Variants in DNER observed in about 807,000 individuals in gnomAD.
DNER encodes delta and Notch-like epidermal growth factor-related receptor.
In DNER, 33 loss-of-function variants were observed where a neutral mutation model predicts 78.2. That is an observed-to-expected ratio of 0.42 (90% CI 0.32 to 0.56). The LOEUF is 0.56. DNER is among the 20% of genes least tolerant of loss of function. The pLI is 0.11. For synonymous variants in DNER, 417 were observed against 384.8 expected (o/e 1.08, Z -0.98); for missense variants, 918 against 975.3 (o/e 0.94, Z 0.78).
At chr2:229,380,274 G>C (rs1049431227) in intron 11 of DNER, among the ~76,000 whole-genome samples, 1 of 152,286 alleles carries the variant, frequency 6.6e-6, no homozygotes, top group Non-Finnish European at 1.5e-5. Flanking sequence ...ACCAGTGAGG[G>C]CCTGGTCTTG....
chr2:229,391,532 A>T (rs983854283), intron 10 of DNER, among the ~76,000 whole-genome samples: 1 of 151,938 alleles, frequency 6.6e-6, no homozygotes, highest in Non-Finnish European at 1.5e-5. Flanking sequence ...ATCTTTTATA[A>T]TTCTTTTTTC....
chr2:229,526,380 A>T (rs1196237045), intron 5 of DNER, among the ~76,000 whole-genome samples: 1 of 152,216 alleles, frequency 6.6e-6, no homozygotes, highest in African/African-American at 2.4e-5. Flanking sequence ...TAACTCATTT[A>T]CGATCCCCAG....
At chr2:229,584,919 AAAAAG>A (rs1016910325) in intron 4 of DNER, among the ~76,000 whole-genome samples, 3 of 151,530 alleles carry the variant, frequency 2.0e-5, no homozygotes, top group African/African-American at 4.8e-5. Flanking sequence ...AAAGAAGAAG[AAAAAG>A]AAAAGAAAAC....
chr2:229,408,999 C>G (rs576224722), intron 9 of DNER, among the ~76,000 whole-genome samples: 1 of 152,282 alleles, frequency 6.6e-6, no homozygotes, highest in South Asian at 2.1e-4. Context: ...TCTTAGTTTC[C>G]TCTGTCTCCA....
chr2:229,591,965 T>C lies in DNER; in HGVS notation c.277-77A>G. 1 of 1,424,808 alleles carries C rather than the reference T, an allele frequency of 7.0e-7. No homozygotes were observed. Among genetic ancestry groups the C allele is most frequent in the Non-Finnish European group, 9.2e-7 (1 of 1,086,292 alleles). 88.3% of individuals were successfully genotyped at this position (1,424,808 alleles called of 1,614,324 possible). On this transcript the variant is annotated intron_variant, in intron 1 of 12. Transcript: ENST00000341772. The surrounding 1 kb of genome is among the most constrained non-coding windows in gnomAD (Gnocchi z 4.6). ...CCATCGCTGGGAAATTAGCTCTGTG[T>C]CTCAGAGCGACTGCTGTAATGGAAA...
chr2:229,700,535 A>G (rs1384595638), intron 1 of DNER, among the ~76,000 whole-genome samples: 3 of 151,972 alleles, frequency 2.0e-5, no homozygotes, highest in East Asian at 3.9e-4. Context: ...ACTGGAAATA[A>G]TGTGCTTTAG....
In DNER at chr2:229,714,553, G is replaced by A. The variant is rs1032925956; in HGVS notation, c.-130C>T. The A allele has an allele frequency of 2.0e-6, 2 of 1,009,634 alleles. No homozygotes were observed. Among genetic ancestry groups the A allele is most frequent in the Non-Finnish European group, 2.4e-6 (2 of 840,882 alleles). 62.5% of individuals were successfully genotyped at this position (1,009,634 alleles called of 1,614,324 possible). On this transcript the variant is annotated 5_prime_UTR_variant, in exon 1 of 13. Coordinates refer to ENST00000341772, the MANE Select transcript of DNER (RefSeq NM_139072.4). ...TCCGCCGGGCCGGGCGCCTCCTGCA[G>A]CTGCGGGATCCGCGGTTCCCCGGGC...
chr2:229,465,819 T>C (rs902957218), intron 7 of DNER, among the ~76,000 whole-genome samples: 4 of 152,146 alleles, frequency 2.6e-5, no homozygotes, highest in African/African-American at 9.7e-5. Flanking sequence ...AAACATGTCA[T>C]CTGCATTTTA....
intron 4 of DNER, among the ~76,000 whole-genome samples, chr2:229,550,497 C>T (rs1203467267): frequency 6.6e-6 from 1 of 152,058 alleles, no homozygotes; most frequent in Non-Finnish European, 1.5e-5. Context: ...GTTAAGTTGG[C>T]CGGGCGCAGT....
chr2:229,688,066 C>T (rs977031438), intron 1 of DNER, among the ~76,000 whole-genome samples: 11 of 152,210 alleles, frequency 7.2e-5, no homozygotes, highest in African/African-American at 2.2e-4. Context: ...TCTCATCAAA[C>T]GGGATTAAGT....
At chr2:229,660,906 C>T (rs1698999140) in intron 1 of DNER, among the ~76,000 whole-genome samples, 1 of 151,896 alleles carries the variant, frequency 6.6e-6, no homozygotes, top group South Asian at 2.1e-4. Context: ...ATGATTGCAG[C>T]CCATCAGAAG....
At chr2:229,571,889 C>T (rs913908320) in intron 4 of DNER, among the ~76,000 whole-genome samples, 9 of 152,000 alleles carry the variant, frequency 5.9e-5, no homozygotes, top group African/African-American at 1.9e-4. Context: ...TGGATTCTGG[C>T]TCTTCATTTT....
chr2:229,560,880 G>A (rs1559167068), intron 4 of DNER, among the ~76,000 whole-genome samples: 2 of 151,814 alleles, frequency 1.3e-5, no homozygotes, highest in African/African-American at 4.9e-5. Context: ...AGGGGCCGGG[G>A]GCATTAAATA....
chr2:229,460,918 A>G (rs540614144), intron 7 of DNER, among the ~76,000 whole-genome samples: 7 of 152,242 alleles, frequency 4.6e-5, no homozygotes, highest in African/African-American at 1.7e-4. Context: ...AAACTCAGAT[A>G]CAGTACTATG....
chr2:229,610,949 A>G lies in DNER; in HGVS notation c.277-19061T>C, dbSNP rs532026440. Among the ~76,000 whole-genome samples the G allele has an allele frequency of 3.9e-4, 59 of 152,374 alleles. 1 individual carries two copies. The South Asian group carries it at 0.012, about 31-fold the overall frequency. On this transcript the variant is annotated intron_variant, in intron 1 of 12. Coordinates refer to ENST00000341772, the MANE Select transcript of DNER (RefSeq NM_139072.4). ...ACACAGGATCTACAACTTCTGTCAG[A>G]TATTTCACAAACTACTAGCTAGAAG...
chr2:229,599,022 CA>C (rs530828947), intron 1 of DNER, among the ~76,000 whole-genome samples: 279 of 152,228 alleles, frequency 1.8e-3, no homozygotes, highest in African/African-American at 6.1e-3. Context: ...CAAAGGCATC[CA>C]GGGGGAATGG....
rs1699961969 is a variant in DNER, at chr2:229,714,380, G to A, written c.44C>T (p.Pro15Leu). 1 of 1,208,408 alleles carries A rather than the reference G, an allele frequency of 8.3e-7. No individual in the cohort carries two copies. Among genetic ancestry groups the A allele is most frequent in the Non-Finnish European group, 1.0e-6 (1 of 976,006 alleles). 74.9% of individuals were successfully genotyped at this position (1,208,408 alleles called of 1,614,324 possible). Residue 15 changes from proline to leucine, a missense_variant, in exon 1 of 13, where the codon CCC (proline) becomes CTC (leucine). Coordinates refer to ENST00000341772, the MANE Select transcript of DNER (RefSeq NM_139072.4). ...RAQAPGAQLL[P>L]ALALLLLLLG... is the part of the protein sequence containing the mutation. ...CAGCAGCAGCAGCAGGGCCAGCGCGGGCAGCAGCTGCGCACCGGGCGCCTG... is the reference window on the plus strand; with the variant it reads ...CAGCAGCAGCAGCAGGGCCAGCGCGAGCAGCAGCTGCGCACCGGGCGCCTG...
chr2:229,387,509 G>GAAAGAGAGAAAGAAAGAAAGAA (rs1553602522), intron 11 of DNER, among the ~76,000 whole-genome samples: 5 of 76,178 alleles, frequency 6.6e-5, no homozygotes, highest in African/African-American at 9.2e-5. Context: ...GAAAGAAAGA[G>GAAAGAGAGAAAGAAAGAAAGAA]AGAAAGAAAG....
At chr2:229,521,841 C>G (rs1009705219) in intron 5 of DNER, among the ~76,000 whole-genome samples, 2 of 152,106 alleles carry the variant, frequency 1.3e-5, no homozygotes, top group Non-Finnish European at 2.9e-5. Context: ...CAAAGAAAAA[C>G]TATGAATTAC....
Sources: allele counts gnomAD v4.1 joint callset (sites outside exome capture counted in the v4.1 genomes callset), GRCh38; gene constraint gnomAD v4.1.1; non-coding constraint Gnocchi (gnomAD v3.1); transcripts MANE v1.5; gene names NCBI Gene and HGNC (gene_info 2026-07-23, HGNC 2026-07-21).